CACNA1E: variants seen among roughly 807,000 people sequenced by gnomAD.
CACNA1E encodes the protein voltage-dependent R-type calcium channel subunit alpha-1E.
Under a neutral mutation model 259.2 loss-of-function variants are expected in CACNA1E, and 40 were observed. The observed-to-expected ratio is 0.15, with a 90% CI of 0.12 to 0.20. The LOEUF is 0.20. Among genes scored for constraint, CACNA1E ranks in the 10% least tolerant of loss-of-function variants. The pLI, the probability that CACNA1E is intolerant of heterozygous loss-of-function variation, is 1.00. For synonymous variants in CACNA1E, 1,104 were observed against 1,138.5 expected (o/e 0.97, Z 0.61); for missense variants, 1,874 against 3,040.1 (o/e 0.62, Z 9.02).
intron 1 of CACNA1E, among the ~76,000 whole-genome samples, chr1:181,345,801 C>T (rs1460347426): frequency 6.6e-6 from 1 of 152,198 alleles, no homozygotes; most frequent in Non-Finnish European, 1.5e-5. Context: ...CCTAGCTCTA[C>T]CTTCTGGCCA....
rs1191124511 is a variant in CACNA1E at position 181,732,490 on chromosome 1, G to A, written c.2404G>A (p.Ala802Thr). 2 of 1,551,456 alleles carry A rather than the reference G, an allele frequency of 1.3e-6. No homozygotes were observed. Among genetic ancestry groups the A allele is most frequent in the South Asian group, 1.2e-5 (1 of 84,058 alleles). ...CCAGGAGGCCCTCAACAGAGAGGAG[G>A]CGCCGACCATGAACCCGCTCAACCC... ...SSQEALNREE[A>T]PTMNPLNPLN... Residue 802 changes from alanine (A) to threonine (T), a missense_variant, in exon 20 of 48, where the codon GCG becomes ACG. Ala to Thr is a moderately conservative substitution (Grantham distance 58, BLOSUM62 0). This residue lies in a region of CACNA1E where 476 missense variants were observed against 514.0 expected (regional missense o/e 0.93). Coordinates refer to ENST00000367573, the MANE Select transcript of CACNA1E (RefSeq NM_001205293.3). This position sits in a 1 kb window ranked among gnomAD's most constrained non-coding sequence, Gnocchi z 5.5.
chr1:181,339,539 G>A lies in CACNA1E; in HGVS notation c.-15+21416G>A, dbSNP rs568680417. Among the ~76,000 whole-genome samples, 5 of 151,628 alleles carry A rather than the reference G, an allele frequency of 3.3e-5. No homozygotes were observed. The South Asian group carries it at 1.0e-3, about 31-fold the overall frequency. On this transcript the variant is annotated intron_variant, in intron 1 of 11. Coordinates refer to the CACNA1E transcript ENST00000524607. ...TTGTATGTACATACCACATTTTGTG[G>A]TATGAGTTTAAAATTTTGCAATATA...
chr1:181,325,856 C>T (rs1171099412), intron 1 of CACNA1E, among the ~76,000 whole-genome samples: 1 of 152,134 alleles, frequency 6.6e-6, no homozygotes, highest in Non-Finnish European at 1.5e-5. Context: ...CTTCCTGTTC[C>T]TTCCTCTGGT....
intron 7 of CACNA1E, among the ~76,000 whole-genome samples, chr1:181,693,181 G>A (rs1017016033): frequency 3.3e-5 from 5 of 150,120 alleles, no homozygotes; most frequent in African/African-American, 1.2e-4. Flanking sequence ...GCAGAGAGAA[G>A]GGAATGCTTA....
intron 30 of CACNA1E, among the ~76,000 whole-genome samples, chr1:181,757,529 T>C (rs546531542): frequency 3.3e-5 from 5 of 152,242 alleles, no homozygotes; most frequent in African/African-American, 4.8e-5. Flanking sequence ...AAGCTGTTTT[T>C]GAAATTTCTT....
intron 3 of CACNA1E, 45 bp downstream of exon 3, chr1:181,511,555 G>T: frequency 6.2e-7 from 1 of 1,605,596 alleles, no homozygotes; most frequent in Non-Finnish European, 8.5e-7. Flanking sequence ...TATGAAGGGG[G>T]TTGGTATCAT....
chr1:181,377,878 C>T (rs1486730495), intron 1 of CACNA1E, among the ~76,000 whole-genome samples: 1 of 152,198 alleles, frequency 6.6e-6, no homozygotes, highest in Non-Finnish European at 1.5e-5. Context: ...TCCAGCATTC[C>T]ATACTCTTAA....
chr1:181,565,633 G>T (rs1170626437), intron 3 of CACNA1E, among the ~76,000 whole-genome samples: 1 of 152,200 alleles, frequency 6.6e-6, no homozygotes, highest in East Asian at 1.9e-4. Flanking sequence ...AAGACCTTAG[G>T]GATGAAGTAT....
At chr1:181,442,605 C>T (rs1660572009) in intron 2 of CACNA1E, among the ~76,000 whole-genome samples, 3 of 152,292 alleles carry the variant, frequency 2.0e-5, no homozygotes, top group Non-Finnish European at 4.4e-5. Context: ...CAGGCCAGCA[C>T]AGCCTATTGC....
chr1:181,693,478 A>G (rs1282926108), intron 7 of CACNA1E, among the ~76,000 whole-genome samples: 1 of 152,222 alleles, frequency 6.6e-6, no homozygotes. Flanking sequence ...ATATCCATAA[A>G]AAGGAATGAC....
At position 181,574,580 on chromosome 1, in the gene CACNA1E, A is replaced by T. The variant is rs567308289; in HGVS notation, c.513-3186A>T. On this transcript the variant is annotated intron_variant, in intron 3 of 47. Transcript: ENST00000367573. ...GGTTTTGGGGGTAGAGATGAGTAAAATGGTGCCTCCATTAGAAGTGTTTCA... is the reference window on the plus strand; with the variant it reads ...GGTTTTGGGGGTAGAGATGAGTAAATTGGTGCCTCCATTAGAAGTGTTTCA... 5.7e-4 allele frequency among the ~76,000 whole-genome samples: 87 copies of T among 152,342 alleles called. 1 individual carries two copies. Among genetic ancestry groups the T allele is most frequent in the African/African-American group, 2.1e-3 (86 of 41,576 alleles).
chr1:181,418,940 A>T (rs1431647051), intron 2 of CACNA1E, among the ~76,000 whole-genome samples: 2 of 151,966 alleles, frequency 1.3e-5, no homozygotes, highest in Non-Finnish European at 2.9e-5. Flanking sequence ...TGGTACCATT[A>T]TTACCATTAT....
At chr1:181,750,543 C>A in intron 26 of CACNA1E, 56 bp downstream of exon 26, 1 of 1,561,790 alleles carries the variant, frequency 6.4e-7, no homozygotes, top group Non-Finnish European at 8.8e-7. Flanking sequence ...GTTGGAGGAG[C>A]GAGAAAGTAT....
At chr1:181,495,239 G>A (rs181450125) in intron 1 of CACNA1E, among the ~76,000 whole-genome samples, 1 of 152,244 alleles carries the variant, frequency 6.6e-6, no homozygotes, top group Admixed American at 6.5e-5. Flanking sequence ...TAGAGTTCAG[G>A]ATTTACCAGT....
chr1:181,621,234 G>A (rs1655695447), intron 6 of CACNA1E, among the ~76,000 whole-genome samples: 1 of 152,240 alleles, frequency 6.6e-6, no homozygotes, highest in Non-Finnish European at 1.5e-5. Flanking sequence ...GGGCAATCAG[G>A]AGGTATAGAA....
intron 1 of CACNA1E, among the ~76,000 whole-genome samples, chr1:181,348,921 C>A (rs1652819432): frequency 6.6e-6 from 1 of 152,162 alleles, no homozygotes; most frequent in Admixed American, 6.5e-5. Context: ...GGTCCTACAG[C>A]CAGACAGTGG....
Position 181,741,328 on chromosome 1 carries a change from C to G in CACNA1E, c.3719+2075C>G, listed in dbSNP as rs1214600183. Among the ~76,000 whole-genome samples the G allele has an allele frequency of 7.2e-5, 11 of 152,324 alleles. No homozygotes were observed. The East Asian group carries it at 2.1e-3, about 29-fold the overall frequency. On this transcript the variant is annotated intron_variant, in intron 25 of 47. Transcript: ENST00000367573. Reference sequence around the variant, plus strand: ...AGCCACACAGCAAAATATTAACCCTCCTAACCTCAGTTCTCATCTCTGAAA... The same window carrying G: ...AGCCACACAGCAAAATATTAACCCTGCTAACCTCAGTTCTCATCTCTGAAA...
intron 23 of CACNA1E, 32 bp downstream of exon 23, chr1:181,737,686 G>C (rs781306962): frequency 2.5e-6 from 4 of 1,605,144 alleles, no homozygotes; most frequent in Non-Finnish European, 3.4e-6. Flanking sequence ...GCCAGCCTCT[G>C]TAGTGCTCTG....
At chr1:181,329,123 G>A (rs968061526) in intron 1 of CACNA1E, among the ~76,000 whole-genome samples, 26 of 152,228 alleles carry the variant, frequency 1.7e-4, no homozygotes, top group African/African-American at 5.8e-4. Flanking sequence ...AAGTCCAGGA[G>A]TCATTGTTGA....
Sources: gnomAD v4.1 joint callset for allele counts (sites outside exome capture counted in the v4.1 genomes callset) on GRCh38, gnomAD v4.1.1 for gene constraint, gnomAD v4.1.1 regional missense constraint, Gnocchi (gnomAD v3.1) non-coding constraint, MANE v1.5 for transcripts, NCBI Gene and HGNC (gene_info 2026-07-23, HGNC 2026-07-21) for gene names.